The following CEP85L variants were observed in gnomAD, a reference collection of about 807,000 sequenced individuals.
CEP85L encodes the protein centrosomal protein of 85 kDa-like.
CEP85L carries 60 observed loss-of-function variants against 100.3 expected under a neutral mutation model. The observed-to-expected ratio is 0.60, with a 90% CI of 0.49 to 0.74. The LOEUF (loss-of-function observed/expected upper bound fraction) is 0.74. CEP85L is among the 30% of genes least tolerant of loss of function. The probability of loss-of-function intolerance (pLI) is 0.00; values close to 1 mark genes in which losing one functional copy is unlikely to be tolerated. For missense variants in CEP85L, 973 were observed against 936.2 expected, an observed-to-expected ratio of 1.04 and a Z score of -0.51; for synonymous variants, 319 against 322.7, an observed-to-expected ratio of 0.99 and a Z score of 0.12.
At chr6:118,650,594 G>A (rs940185595) in intron 1 of CEP85L, among the ~76,000 whole-genome samples, 1 of 152,206 alleles carries the variant, frequency 6.6e-6, no homozygotes, top group African/African-American at 2.4e-5. Flanking sequence ...CTGCGGGGCG[G>A]CGACCAGGTT....
intron 1 of CEP85L, among the ~76,000 whole-genome samples, chr6:118,636,471 A>C (rs1045879721): frequency 7.0e-6 from 1 of 143,058 alleles, no homozygotes; most frequent in African/African-American, 3.0e-5. Context: ...CTCCTGGACA[A>C]TGTCAAATAT....
intron 2 of CEP85L, among the ~76,000 whole-genome samples, chr6:118,601,140 T>A (rs1230366405): frequency 6.6e-6 from 1 of 152,234 alleles, no homozygotes; most frequent in Non-Finnish European, 1.5e-5. Flanking sequence ...TAGTCTCACT[T>A]TCCTCATTTG....
chr6:118,518,161 T>C (rs1312212811), intron 4 of CEP85L, among the ~76,000 whole-genome samples: 1 of 152,208 alleles, frequency 6.6e-6, no homozygotes, highest in Non-Finnish European at 1.5e-5. Flanking sequence ...TTTGCATCGA[T>C]GTTCATCAGC....
chr6:118,603,669 G>T (rs1771968687), intron 2 of CEP85L, among the ~76,000 whole-genome samples: 1 of 152,162 alleles, frequency 6.6e-6, no homozygotes, highest in East Asian at 1.9e-4. Flanking sequence ...AAAAGACTAG[G>T]CTTCTTCAGT....
intron 1 of CEP85L, among the ~76,000 whole-genome samples, chr6:118,657,912 C>T (rs1775851927): frequency 6.6e-6 from 1 of 152,218 alleles, no homozygotes; most frequent in Admixed American, 6.5e-5. Flanking sequence ...ATAGTAGCTT[C>T]CTTACTTCTG....
At chr6:118,702,086 T>C (rs531056623) in intron 1 of CEP85L, among the ~76,000 whole-genome samples, 1 of 152,268 alleles carries the variant, frequency 6.6e-6, no homozygotes, top group Non-Finnish European at 1.5e-5. Flanking sequence ...TTACTCTCCG[T>C]AGATAGCTCC....
At chr6:118,695,830 T>C (rs1161718118) in intron 1 of CEP85L, among the ~76,000 whole-genome samples, 1 of 152,190 alleles carries the variant, frequency 6.6e-6, no homozygotes, top group East Asian at 1.9e-4. Flanking sequence ...TCATCTGAAC[T>C]GGGGTGCTTT....
At chr6:118,511,522 T>C in intron 4 of CEP85L, 107 bp from the exon 5 acceptor site, 1 of 662,562 alleles carries the variant, frequency 1.5e-6, no homozygotes. Flanking sequence ...CCTCTTAGAT[T>C]CTAACAGTCA....
intron 3 of CEP85L, among the ~76,000 whole-genome samples, chr6:118,536,877 C>T (rs142344825): frequency 1.2e-4 from 18 of 152,218 alleles, no homozygotes; most frequent in Non-Finnish European, 2.2e-4. Flanking sequence ...AATAACTTCT[C>T]CCCTATATCC....
chr6:118,680,425 C>G (rs1262915056), intron 1 of CEP85L, among the ~76,000 whole-genome samples: 2 of 142,740 alleles, frequency 1.4e-5, no homozygotes. Context: ...AAATTCCAAC[C>G]AGTGAACAAC....
At chr6:118,669,322 G>A (rs1009705608) in intron 1 of CEP85L, among the ~76,000 whole-genome samples, 7 of 152,158 alleles carry the variant, frequency 4.6e-5, no homozygotes, top group African/African-American at 1.4e-4. Flanking sequence ...ACAGCCTCTG[G>A]TGATTTACCT....
intron 2 of CEP85L, among the ~76,000 whole-genome samples, chr6:118,583,957 C>T (rs1780719080): frequency 6.6e-6 from 1 of 152,174 alleles, no homozygotes. Context: ...TTTTTCTGTA[C>T]ACCGTTACAT....
At chr6:118,616,664 A>C (rs1773070720) in intron 2 of CEP85L, among the ~76,000 whole-genome samples, 1 of 150,702 alleles carries the variant, frequency 6.6e-6, no homozygotes, top group Non-Finnish European at 1.5e-5. Context: ...AAAAAAAAAA[A>C]GTCCAGGTGC....
intron 1 of CEP85L, among the ~76,000 whole-genome samples, chr6:118,699,840 A>G (rs1777353360): frequency 1.3e-5 from 2 of 152,204 alleles, no homozygotes. Flanking sequence ...GACTACAGGC[A>G]CGCACCACCA....
intron 2 of CEP85L, among the ~76,000 whole-genome samples, chr6:118,584,994 AGC>A (rs1386188650): frequency 6.6e-6 from 1 of 152,214 alleles, no homozygotes; most frequent in Non-Finnish European, 1.5e-5. Flanking sequence ...AGACCTATGC[AGC>A]CAGGGAAGAT....
chr6:118,594,804 C>T (rs62422195), intron 2 of CEP85L, among the ~76,000 whole-genome samples: 23,976 of 145,766 alleles, frequency 0.16, 2,082 homozygotes, highest in Non-Finnish European at 0.19. Flanking sequence ...TGCAGTGAGC[C>T]GAGATCCCGC....
chr6:118,594,428 A>G (rs971820544), intron 2 of CEP85L, among the ~76,000 whole-genome samples: 6 of 152,226 alleles, frequency 3.9e-5, no homozygotes, highest in Non-Finnish European at 7.3e-5. Flanking sequence ...TTAAAATAAA[A>G]TAGGTTAATT....
intron 7 of CEP85L, among the ~76,000 whole-genome samples, chr6:118,483,026 T>C (rs967884324): frequency 6.6e-5 from 10 of 152,158 alleles, no homozygotes; most frequent in Admixed American, 2.0e-4. Context: ...GATATGTGGA[T>C]GCAGAAGTAC....
intron 10 of CEP85L, among the ~76,000 whole-genome samples, chr6:118,474,000 C>T (rs1773163584): frequency 6.6e-6 from 1 of 152,174 alleles, no homozygotes; most frequent in South Asian, 2.1e-4. Context: ...GAATTCCTTT[C>T]TTAAATTAGT....
Sources: gnomAD v4.1 joint callset for allele counts (sites outside exome capture counted in the v4.1 genomes callset) on GRCh38, gnomAD v4.1.1 for gene constraint, MANE v1.5 for transcripts, NCBI Gene and HGNC (gene_info 2026-07-23, HGNC 2026-07-21) for gene names.